MYO18B: variants seen among roughly 807,000 people sequenced by gnomAD.
MYO18B encodes the protein unconventional myosin-XVIIIb.
MYO18B carries 204 observed loss-of-function variants against 273.0 expected under a neutral mutation model. That is an observed-to-expected ratio of 0.75 (90% confidence interval 0.67 to 0.84). The LOEUF is 0.84. MYO18B is among the 40% of genes least tolerant of loss of function. The pLI is 0.00. For synonymous variants in MYO18B, 1,330 were observed against 1,305.7 expected (o/e 1.02, Z -0.40); for missense variants, 3,212 against 3,287.6 (o/e 0.98, Z 0.56).
chr22:25,923,883 A>C lies in MYO18B; in HGVS notation c.5517+2474A>C, dbSNP rs559244529. ...TTTTGTTACTTTTTCTTTTTTTTTT[A>C]TTAAGTATTCATGAGAATTCTCCCT... On this transcript the variant is annotated intron_variant, in intron 34 of 43. Coordinates refer to ENST00000335473, the MANE Select transcript of MYO18B (RefSeq NM_032608.7). Among the ~76,000 whole-genome samples, 3 of 151,028 alleles carry C rather than the reference A, an allele frequency of 2.0e-5. 1 individual carries two copies. The highest frequency in any genetic ancestry group is 2.0e-4 in the Admixed American group (3 of 15,206).
chr22:25,789,804 C>T (rs117162364), intron 11 of MYO18B, among the ~76,000 whole-genome samples: 3,140 of 152,282 alleles, frequency 0.021, 78 homozygotes, highest in East Asian at 0.095. Flanking sequence ...TGCAGGTGTT[C>T]TTCCAGTATT....
intron 15 of MYO18B, among the ~76,000 whole-genome samples, chr22:25,830,713 A>G (rs2089675051): frequency 6.6e-6 from 1 of 152,154 alleles, no homozygotes; most frequent in Admixed American, 6.5e-5. Context: ...AATCACTTCC[A>G]CTGTGTTCGG....
rs1936638254 is a variant in MYO18B at position 26,030,885 on chromosome 22, C to T, written c.*455C>T. The T allele has an allele frequency of 7.5e-6, 3 of 398,500 alleles. No homozygotes were observed. Among genetic ancestry groups the T allele is most frequent in the Admixed American group, 4.4e-5 (1 of 22,712 alleles). The allele number at this position is 398,500 out of a possible 1,614,324, so 24.7% of individuals were successfully genotyped here. On this transcript the variant is annotated 3_prime_UTR_variant, in exon 44 of 44. Transcript: ENST00000335473. ...TATCAAACTGAAACAAATGCTCCTC[C>T]TCCATGCTCCCTTAATCCCCATGCT...
intron 40 of MYO18B, among the ~76,000 whole-genome samples, chr22:25,999,460 G>T (rs1205795336): frequency 6.6e-6 from 1 of 151,782 alleles, no homozygotes; most frequent in Non-Finnish European, 1.5e-5. Flanking sequence ...TAATTATCTC[G>T]CTCATCATCA....
At chr22:26,063,255 T>G in the MYO18B span, among the ~76,000 whole-genome samples, 3 of 152,188 alleles carry the variant, frequency 2.0e-5, no homozygotes, top group Non-Finnish European at 2.9e-5. Context: ...ATTACTCATG[T>G]GGAATGGCAG....
chr22:26,018,154 C>T (rs907397352), intron 42 of MYO18B, among the ~76,000 whole-genome samples: 1 of 152,044 alleles, frequency 6.6e-6, no homozygotes, highest in African/African-American at 2.4e-5. Context: ...CTCAGGGCAG[C>T]TCGATGGATT....
chr22:25,819,341 C>T (rs1050709738), intron 12 of MYO18B, among the ~76,000 whole-genome samples: 7 of 152,180 alleles, frequency 4.6e-5, no homozygotes, highest in African/African-American at 1.2e-4. Flanking sequence ...TCTCCCAGCT[C>T]GTTGAGGCCA....
chr22:25,746,517 G>A (rs1203048859), intron 1 of MYO18B, among the ~76,000 whole-genome samples: 6 of 152,132 alleles, frequency 3.9e-5, no homozygotes, highest in Non-Finnish European at 7.3e-5. Flanking sequence ...CCTTGACCCA[G>A]TAGATGCAGG....
intron 34 of MYO18B, among the ~76,000 whole-genome samples, chr22:25,943,142 G>A (rs1160053145): frequency 6.6e-6 from 1 of 152,088 alleles, no homozygotes; most frequent in East Asian, 1.9e-4. Flanking sequence ...TCCCAGCCCA[G>A]CTCCTTGGCC....
intron 1 of MYO18B, among the ~76,000 whole-genome samples, chr22:25,760,444 A>G (rs1360038698): frequency 6.6e-6 from 1 of 151,234 alleles, no homozygotes; most frequent in Non-Finnish European, 1.5e-5. Context: ...ACACAAAAAC[A>G]AATAATAGTG....
In MYO18B at chr22:26,005,757, C is replaced by G. The variant is rs569461637; in HGVS notation, c.6470+902C>G. On this transcript the variant is annotated intron_variant, in intron 42 of 43. Transcript: ENST00000335473. Reference sequence around the variant, plus strand: ...GCAAACCCAGACAACCGCTTCCTGACTCAAAACGTGTTTGCTTTGATGCAG... The same window carrying G: ...GCAAACCCAGACAACCGCTTCCTGAGTCAAAACGTGTTTGCTTTGATGCAG... Among the ~76,000 whole-genome samples, 4 of 152,284 alleles carry G rather than the reference C, an allele frequency of 2.6e-5. No individual in the cohort carries two copies. The East Asian group carries it at 7.7e-4, about 29-fold the overall frequency.
intron 12 of MYO18B, among the ~76,000 whole-genome samples, chr22:25,814,305 T>G (rs1232048248): frequency 5.4e-5 from 1 of 18,664 alleles, no homozygotes; most frequent in African/African-American, 3.1e-4. Flanking sequence ...TTTTTTTTTT[T>G]TTTTTTTTTT....
chr22:25,857,486 A>C (rs2343802), intron 21 of MYO18B, among the ~76,000 whole-genome samples: 1 of 82,686 alleles, frequency 1.2e-5, no homozygotes, highest in Non-Finnish European at 2.6e-5. Flanking sequence ...TCATCTCAAG[A>C]GTCTTTATCT....
At chr22:25,909,791 G>C (rs558040016) in intron 32 of MYO18B, among the ~76,000 whole-genome samples, 1 of 152,278 alleles carries the variant, frequency 6.6e-6, no homozygotes, top group East Asian at 1.9e-4. Flanking sequence ...TATCTCTCAC[G>C]TTGGCAGGAA....
chr22:26,044,043 G>C, the MYO18B span, among the ~76,000 whole-genome samples: 1 of 152,310 alleles, frequency 6.6e-6, no homozygotes, highest in Admixed American at 6.5e-5. Context: ...TGGGTGTATA[G>C]CAGTATCTTT....
At chr22:25,794,089 A>G (rs2087798323) in intron 11 of MYO18B, among the ~76,000 whole-genome samples, 1 of 151,846 alleles carries the variant, frequency 6.6e-6, no homozygotes, top group Non-Finnish European at 1.5e-5. Flanking sequence ...ACCCGCCACC[A>G]CGCCAGGCTA....
intron 39 of MYO18B, among the ~76,000 whole-genome samples, chr22:25,991,416 A>G (rs1432653747): frequency 6.6e-6 from 1 of 152,190 alleles, no homozygotes; most frequent in Non-Finnish European, 1.5e-5. Flanking sequence ...TGCCAGCAGC[A>G]TTTCCCCAAG....
intron 27 of MYO18B, among the ~76,000 whole-genome samples, chr22:25,893,848 T>C (rs1428014827): frequency 6.7e-6 from 1 of 150,330 alleles, no homozygotes. Context: ...CTCACCCACC[T>C]ATCCATATAC....
chr22:26,002,459 G>A (rs1280684453), intron 40 of MYO18B, among the ~76,000 whole-genome samples: 4 of 152,196 alleles, frequency 2.6e-5, no homozygotes, highest in Admixed American at 2.6e-4. Flanking sequence ...ACAGGCTTTT[G>A]AGGGTGGGAG....
Sources: gnomAD v4.1 joint callset for allele counts (sites outside exome capture counted in the v4.1 genomes callset) on GRCh38, gnomAD v4.1.1 for gene constraint, MANE v1.5 for transcripts, NCBI Gene and HGNC (gene_info 2026-07-23, HGNC 2026-07-21) for gene names.